Variants in DLGAP2 observed in about 807,000 individuals in gnomAD.
DLGAP2 encodes the protein DLG associated protein 2.
Under a neutral mutation model 100.3 loss-of-function variants are expected in DLGAP2, and 26 were observed. The observed-to-expected ratio is 0.26, with a 90% CI of 0.19 to 0.36. The LOEUF is 0.36. Among genes scored for constraint, DLGAP2 ranks in the 10% least tolerant of loss-of-function variants. The probability of loss-of-function intolerance (pLI) is 1.00; values close to 1 mark genes in which losing one functional copy is unlikely to be tolerated. For missense variants in DLGAP2, 1,858 were observed against 1,453.2 expected, an observed-to-expected ratio of 1.28 and a Z score of -4.53; for synonymous variants, 886 against 630.1, an observed-to-expected ratio of 1.41 and a Z score of -6.08.
At chr8:816,450 G>C (rs1000099613) in intron 1 of DLGAP2, among the ~76,000 whole-genome samples, 41 of 152,132 alleles carry the variant, frequency 2.7e-4, no homozygotes, top group African/African-American at 9.9e-4. Flanking sequence ...TTGTTTATCT[G>C]GAAAAGAGTG....
chr8:1,199,539 C>G (rs1367716082), intron 2 of DLGAP2, among the ~76,000 whole-genome samples: 1 of 152,194 alleles, frequency 6.6e-6, no homozygotes, highest in South Asian at 2.1e-4. Context: ...GCTACCTCTT[C>G]TAGGTCAGGA....
intron 3 of DLGAP2, among the ~76,000 whole-genome samples, chr8:1,449,821 G>T (rs13274569): frequency 0.32 from 26,525 of 83,844 alleles, 3,743 homozygotes; most frequent in East Asian, 0.63. Context: ...GAGGTGGGCG[G>T]CCTCGGTGGC....
At chr8:1,308,282 C>G (rs1800537897) in intron 3 of DLGAP2, among the ~76,000 whole-genome samples, 1 of 152,142 alleles carries the variant, frequency 6.6e-6, no homozygotes, top group South Asian at 2.1e-4. Context: ...TTGAAACAAC[C>G]TTAAGAAACA....
chr8:1,251,690 G>A (rs886435617), intron 2 of DLGAP2, among the ~76,000 whole-genome samples: 2 of 152,166 alleles, frequency 1.3e-5, no homozygotes, highest in South Asian at 2.1e-4. Flanking sequence ...TCATGTGATC[G>A]TGGAGTCAGG....
At chr8:755,856 CA>C (rs1820905529) in intron 1 of DLGAP2, among the ~76,000 whole-genome samples, 1 of 152,188 alleles carries the variant, frequency 6.6e-6, no homozygotes, top group African/African-American at 2.4e-5. Context: ...AATTGACTGT[CA>C]GGGCTGTGCC....
At chr8:1,222,233 C>T (rs527823352) in intron 2 of DLGAP2, among the ~76,000 whole-genome samples, 17 of 152,290 alleles carry the variant, frequency 1.1e-4, no homozygotes, top group African/African-American at 3.4e-4. Flanking sequence ...TCTTTGACAT[C>T]GCTATCTTTT....
intron 3 of DLGAP2, among the ~76,000 whole-genome samples, chr8:1,316,492 G>C (rs1460315638): frequency 1.5e-5 from 2 of 130,682 alleles, no homozygotes; most frequent in African/African-American, 2.8e-5. Context: ...TGCGAGTGCA[G>C]CGTCTCTCCA....
rs372479152 is a variant in DLGAP2, at chr8:1,493,777, G to A, written c.107-7589G>A. 5.3e-5 allele frequency among the ~76,000 whole-genome samples: 8 copies of A among 152,324 alleles called. No homozygotes were observed. In the East Asian group the frequency reaches 5.8e-4, roughly 11 times the overall value. On this transcript the variant is annotated intron_variant, in intron 3 of 14. Coordinates refer to ENST00000637795, the MANE Select transcript of DLGAP2 (RefSeq NM_001346810.2). ...CTGGCTCCTGTAGAGAAGCTGGGGC[G>A]GGCGGTGGGCACGTCAGGGGTAGAT... is the stretch of plus-strand genomic sequence containing the variant.
At chr8:1,409,518 C>A (rs898728792) in intron 3 of DLGAP2, among the ~76,000 whole-genome samples, 1 of 152,240 alleles carries the variant, frequency 6.6e-6, no homozygotes, top group Non-Finnish European at 1.5e-5. Flanking sequence ...GTGTGACGAA[C>A]GTGCTCAGAA....
chr8:978,117 G>A (rs1312196876), intron 2 of DLGAP2, among the ~76,000 whole-genome samples: 5 of 94,436 alleles, frequency 5.3e-5, no homozygotes, highest in Admixed American at 1.0e-4. Flanking sequence ...ATGCAGTGAG[G>A]TGCTGGGTTC....
intron 2 of DLGAP2, among the ~76,000 whole-genome samples, chr8:1,071,215 T>C (rs1803419710): frequency 6.6e-6 from 1 of 152,236 alleles, no homozygotes; most frequent in South Asian, 2.1e-4. Flanking sequence ...TGTGTGATGA[T>C]AAAAACTGTA....
intron 1 of DLGAP2, among the ~76,000 whole-genome samples, chr8:789,725 G>A (rs1031219814): frequency 1.3e-5 from 2 of 152,176 alleles, no homozygotes; most frequent in African/African-American, 2.4e-5. Context: ...TTTGGACGGC[G>A]TCTGCTGTAC....
At position 1,568,693 on chromosome 8, in the gene DLGAP2, C is replaced by G. The variant is rs1456079240; in HGVS notation, c.1442+2799C>G. The stretch of plus-strand genomic sequence containing the variant: ...CAGCAGACACAAATCCGTCTCTGCC[C>G]GTGGCCCCCATGCCACTGCCCACTC... On this transcript the variant is annotated intron_variant, in intron 6 of 14. Transcript: ENST00000637795. Among the ~76,000 whole-genome samples the G allele has an allele frequency of 2.9e-5, 3 of 103,486 alleles. No individual in the cohort carries two copies. In the Admixed American group the frequency reaches 3.1e-4, roughly 11 times the overall value. The allele number at this position is 103,486 out of a possible 152,430, so 67.9% of individuals were successfully genotyped here. A position where few individuals can be genotyped will look rare whatever the true frequency, so the allele number is the denominator to read the frequency against.
intron 1 of DLGAP2, among the ~76,000 whole-genome samples, chr8:805,294 C>A (rs117207891): frequency 6.6e-6 from 1 of 152,294 alleles, no homozygotes; most frequent in Non-Finnish European, 1.5e-5. Flanking sequence ...TAAATTATTT[C>A]ATTTCTTCTG....
At chr8:1,189,818 C>A (rs996343235) in intron 2 of DLGAP2, among the ~76,000 whole-genome samples, 2 of 152,114 alleles carry the variant, frequency 1.3e-5, no homozygotes, top group Non-Finnish European at 2.9e-5. Context: ...GGAGGGGTCC[C>A]CCTGAGGGCA....
intron 2 of DLGAP2, among the ~76,000 whole-genome samples, chr8:1,100,276 C>T (rs1346659006): frequency 6.6e-6 from 1 of 151,168 alleles, no homozygotes; most frequent in African/African-American, 2.4e-5. Context: ...AAACCTTTGT[C>T]CAGCATGTCC....
At chr8:1,581,606 T>C (rs1803264509) in intron 6 of DLGAP2, among the ~76,000 whole-genome samples, 2 of 148,036 alleles carry the variant, frequency 1.4e-5, no homozygotes, top group Admixed American at 6.8e-5. Flanking sequence ...ACAGTCAAAC[T>C]ACCAGAAGTG....
chr8:924,444 G>A (rs1798772660), intron 2 of DLGAP2, among the ~76,000 whole-genome samples: 1 of 152,162 alleles, frequency 6.6e-6, no homozygotes, highest in Non-Finnish European at 1.5e-5. Context: ...CTGTTGTGTG[G>A]TGACTGTTAG....
At chr8:1,219,458 A>T (rs1219935635) in intron 2 of DLGAP2, among the ~76,000 whole-genome samples, 1 of 152,158 alleles carries the variant, frequency 6.6e-6, no homozygotes, top group East Asian at 1.9e-4. Flanking sequence ...TCCAGGAATC[A>T]ATATTGCCTG....
Sources: gnomAD v4.1 joint callset for allele counts (sites outside exome capture counted in the v4.1 genomes callset) on GRCh38, gnomAD v4.1.1 for gene constraint, MANE v1.5 for transcripts, NCBI Gene and HGNC (gene_info 2026-07-23, HGNC 2026-07-21) for gene names.